The following CDCP1 variants were observed in gnomAD, a reference collection of about 807,000 sequenced individuals.
The protein encoded by CDCP1 is CUB domain-containing protein 1.
Under a neutral mutation model 60.2 loss-of-function variants are expected in CDCP1, and 29 were observed. The ratio of observed to expected loss-of-function variants is 0.48; its 90% confidence interval spans 0.36 to 0.66. The LOEUF (loss-of-function observed/expected upper bound fraction) is 0.66, where lower values mean the gene tolerates loss of function less well. Among genes scored for constraint, CDCP1 ranks in the 30% least tolerant of loss-of-function variants. The pLI, the probability that CDCP1 is intolerant of heterozygous loss-of-function variation, is 0.00. For synonymous variants in CDCP1, 387 were observed against 431.1 expected (o/e 0.90, Z 1.27); for missense variants, 876 against 1,074.3 (o/e 0.82, Z 2.58).
rs759262575 is a variant in CDCP1 at position 45,093,250 on chromosome 3, C to T, written c.1627+27G>A. 9 of 1,598,644 alleles carry T rather than the reference C, an allele frequency of 5.6e-6. No individual in the cohort carries two copies. In the South Asian group the frequency reaches 1.0e-4, roughly 18 times the overall value. On this transcript the variant is annotated intron_variant, in intron 6 of 8. Coordinates refer to ENST00000296129, the MANE Select transcript of CDCP1 (RefSeq NM_022842.5). The stretch of plus-strand genomic sequence containing the variant: ...CAAATAAACGCTTAAACTAAAGGGG[C>T]ATGGAGATAGGGGAGACCCCCCTTA...
chr3:45,118,433 T>A lies in CDCP1; in HGVS notation c.271A>T (p.Ile91Leu). 1.9e-6 allele frequency: 3 copies of A among 1,613,970 alleles called. No homozygotes were observed. The highest frequency in any genetic ancestry group is 2.5e-6 in the Non-Finnish European group (3 of 1,179,834). Residue 91 changes from isoleucine to leucine, a missense_variant, in exon 2 of 9, where the codon ATA (isoleucine) becomes TTA (leucine). Ile to Leu is a conservative substitution (Grantham distance 5). Transcript: ENST00000296129. ...TTACCAATATTTTTCTGGATCTCTA[T>A]GACAAAGTGATTCTCAGGACTCTGG... ...SCQSPENHFVIEIQKNIDCMS... is the reference protein window; with the variant it reads ...SCQSPENHFVLEIQKNIDCMS...
At chr3:45,088,660 C>T (rs1346976987) in intron 8 of CDCP1, among the ~76,000 whole-genome samples, 3 of 152,152 alleles carry the variant, frequency 2.0e-5, no homozygotes, top group Admixed American at 6.5e-5. Context: ...GCTGGGACAA[C>T]ACACATTCGT....
chr3:45,096,292 T>C (rs1698396931), intron 4 of CDCP1, among the ~76,000 whole-genome samples: 1 of 152,114 alleles, frequency 6.6e-6, no homozygotes. Flanking sequence ...AGATAAACTA[T>C]GGGGACATTC....
At chr3:45,136,967 T>C (rs2126008898) in intron 1 of CDCP1, among the ~76,000 whole-genome samples, 1 of 152,350 alleles carries the variant, frequency 6.6e-6, no homozygotes, top group South Asian at 2.1e-4. Context: ...CATTGAATTA[T>C]ACAATTGATA....
At chr3:45,138,486 CAA>C (rs1178186453) in intron 1 of CDCP1, among the ~76,000 whole-genome samples, 3 of 152,180 alleles carry the variant, frequency 2.0e-5, no homozygotes, top group Non-Finnish European at 2.9e-5. Context: ...CTCAAATAAT[CAA>C]AGTGTCTTAG....
chr3:45,134,210 C>T (rs374026466), intron 1 of CDCP1, among the ~76,000 whole-genome samples: 10 of 152,142 alleles, frequency 6.6e-5, no homozygotes, highest in East Asian at 3.9e-4. Flanking sequence ...CTGCAAGCTC[C>T]GCCTCCGGGG....
At chr3:45,135,297 G>GA (rs66585079) in intron 1 of CDCP1, among the ~76,000 whole-genome samples, 19,270 of 138,860 alleles carry the variant, frequency 0.14, 1,294 homozygotes, top group African/African-American at 0.15. Flanking sequence ...TGGGTGGATA[G>GA]AAAAAAAAAA....
chr3:45,102,573 G>A (rs1025858378), intron 4 of CDCP1, among the ~76,000 whole-genome samples: 15 of 150,370 alleles, frequency 1.0e-4, no homozygotes, highest in African/African-American at 3.4e-4. Context: ...GGGAGGCTGA[G>A]CTGGGCAGAT....
At chr3:45,121,586 T>G (rs1576108023) in intron 1 of CDCP1, among the ~76,000 whole-genome samples, 1 of 152,356 alleles carries the variant, frequency 6.6e-6, no homozygotes, top group East Asian at 1.9e-4. Flanking sequence ...TCAGCTTTTT[T>G]ATCCTTTATT....
In CDCP1 at chr3:45,093,318, G is replaced by T; in HGVS notation, c.1586C>A (p.Ser529Tyr). The part of the protein sequence containing the change: ...TFAPSFQQEA[S>Y]RQGLTVSFIP... Reference sequence around the variant, plus strand: ...AAAGGACACCGTCAGACCCTGCCTGGAGGCCTCTTGTTGGAAGCTGGGGGC... The same window carrying T: ...AAAGGACACCGTCAGACCCTGCCTGTAGGCCTCTTGTTGGAAGCTGGGGGC... Residue 529 changes from serine (S) to tyrosine (Y), a missense_variant, in exon 6 of 9, where the codon TCC becomes TAC. Around this residue, in one of 2 missense-constraint regions of CDCP1, gnomAD observed 726 missense variants for 935.7 expected, o/e 0.78. Transcript: ENST00000296129. 1 of 1,614,198 alleles carries T rather than the reference G, an allele frequency of 6.2e-7. No homozygotes were observed. Among genetic ancestry groups the T allele is most frequent in the East Asian group, 2.2e-5 (1 of 44,872 alleles).
intron 7 of CDCP1, among the ~76,000 whole-genome samples, chr3:45,090,198 C>T (rs964035814): frequency 2.6e-5 from 4 of 152,152 alleles, no homozygotes; most frequent in African/African-American, 9.7e-5. Flanking sequence ...ATCACTCTGA[C>T]CCCCAGAAAG....
At chr3:45,126,130 C>CTTTCTT (rs1559398811) in intron 1 of CDCP1, among the ~76,000 whole-genome samples, 1 of 132,192 alleles carries the variant, frequency 7.6e-6, no homozygotes. Flanking sequence ...TTCTTTCTTT[C>CTTTCTT]TTTCTTTCTT....
intron 4 of CDCP1, among the ~76,000 whole-genome samples, chr3:45,101,841 GC>G (rs1559390061): frequency 7.0e-6 from 1 of 143,292 alleles, no homozygotes; most frequent in Non-Finnish European, 1.5e-5. Context: ...AGCCGAGATC[GC>G]ACCATTGCAC....
chr3:45,143,734 A>G (rs1699335392), intron 1 of CDCP1, among the ~76,000 whole-genome samples: 1 of 152,090 alleles, frequency 6.6e-6, no homozygotes, highest in African/African-American at 2.4e-5. Context: ...GTGTGTGCAC[A>G]TGCAAGGCGT....
chr3:45,085,941 G>A lies in CDCP1; in HGVS notation c.2208C>T (p.Val736=). 6.2e-7 allele frequency: 1 copy of A among 1,614,198 alleles called. No individual in the cohort carries two copies. The highest frequency in any genetic ancestry group is 8.5e-7 in the Non-Finnish European group (1 of 1,180,044). The part of the protein sequence containing the change: ...RKDNDSHVYA[V]IEDTMVYGHL... Reference sequence around the variant, plus strand: ...GCCCATATACCATGGTGTCCTCGATGACTGCATACACATGGGAGTCATTGT... The same window carrying A: ...GCCCATATACCATGGTGTCCTCGATAACTGCATACACATGGGAGTCATTGT... The change falls in exon 9 of 9, where the codon GTC becomes GTT. Residue 736 remains valine (V), a synonymous_variant. Transcript: ENST00000296129. The surrounding 1 kb of genome is among the most constrained non-coding windows in gnomAD (Gnocchi z 4.2).
chr3:45,134,017 C>T (rs1576119734), intron 1 of CDCP1, among the ~76,000 whole-genome samples: 1 of 152,138 alleles, frequency 6.6e-6, no homozygotes, highest in South Asian at 2.1e-4. Context: ...TTCTTGCTGC[C>T]CTGGAAGGAC....
At chr3:45,123,710 CT>C (rs1698925224) in intron 1 of CDCP1, among the ~76,000 whole-genome samples, 3 of 152,236 alleles carry the variant, frequency 2.0e-5, no homozygotes, top group African/African-American at 7.2e-5. Context: ...ATCCCCACTG[CT>C]TAAGTAGAGT....
chr3:45,114,413 C>CTTTTTTTTTTTTTTTT (rs10688307), intron 2 of CDCP1, among the ~76,000 whole-genome samples: 2 of 143,946 alleles, frequency 1.4e-5, no homozygotes, highest in African/African-American at 2.6e-5. Flanking sequence ...CATTAACTCT[C>CTTTTTTTTTTTTTTTT]TTTTTTTTTT....
At chr3:45,131,476 G>T (rs1285464648) in intron 1 of CDCP1, among the ~76,000 whole-genome samples, 2 of 152,066 alleles carry the variant, frequency 1.3e-5, no homozygotes, top group Admixed American at 1.3e-4. Flanking sequence ...CTCAACCCTG[G>T]TAACCAGCAT....
Sources: allele counts gnomAD v4.1 joint callset (sites outside exome capture counted in the v4.1 genomes callset), GRCh38; gene constraint gnomAD v4.1.1; regional missense constraint gnomAD v4.1.1; non-coding constraint Gnocchi (gnomAD v3.1); transcripts MANE v1.5; gene names NCBI Gene and HGNC (gene_info 2026-07-23, HGNC 2026-07-21).